The following KANK1 variants were observed in gnomAD, a reference collection of about 807,000 sequenced individuals.
The protein encoded by KANK1 is KN motif and ankyrin repeat domains 1, also known as KN motif and ankyrin repeat domain-containing protein 1.
In KANK1, 109 loss-of-function variants were observed where a neutral mutation model predicts 106.2. That is an observed-to-expected ratio of 1.03 (90% confidence interval 0.88 to 1.20). The LOEUF is 1.20. Ranked by LOEUF, KANK1 falls within the 50% of genes most tolerant of loss-of-function variation. The probability of loss-of-function intolerance (pLI) is 0.00; values close to 1 mark genes in which losing one functional copy is unlikely to be tolerated. For missense variants in KANK1, 2,399 were observed against 1,710.7 expected (o/e 1.40, Z -7.10); for synonymous variants, 873 against 652.2 (o/e 1.34, Z -5.16).
chr9:698,118 G>C (rs2129947366), intron 2 of KANK1, among the ~76,000 whole-genome samples: 1 of 152,276 alleles, frequency 6.6e-6, no homozygotes, highest in East Asian at 1.9e-4. Flanking sequence ...GGCCAATTCA[G>C]GCCCTGGTCA....
At position 676,622 on chromosome 9, in the gene KANK1, A is replaced by C. The variant is rs116567142; in HGVS notation, c.-83-268A>C. Among the ~76,000 whole-genome samples the C allele has an allele frequency of 2.1e-3, 319 of 152,306 alleles. 3 individuals carry two copies. The highest frequency in any genetic ancestry group is 7.3e-3 in the African/African-American group (302 of 41,558). ...TTGTATTTGGTGACCACTTTCCTAA[A>C]ATAGTCTCATTTCTAGAGAACCAAT... On this transcript the variant is annotated intron_variant, in intron 1 of 11. Transcript: ENST00000382297.
At chr9:674,368 G>T (rs1022070248) in intron 1 of KANK1, 4 of 141,272 alleles carry the variant, frequency 2.8e-5, no homozygotes, top group Non-Finnish European at 6.0e-5. Flanking sequence ...GGGCAGGCTT[G>T]TCAGAAGCAA....
intron 1 of KANK1, among the ~76,000 whole-genome samples, chr9:560,366 T>C (rs762155137): frequency 3.3e-5 from 5 of 152,220 alleles, no homozygotes; most frequent in Admixed American, 2.0e-4. Flanking sequence ...CTGTTGACTT[T>C]GTGCAATTCA....
chr9:609,360 GC>G (rs1158245486), intron 1 of KANK1, among the ~76,000 whole-genome samples: 1 of 152,150 alleles, frequency 6.6e-6, no homozygotes, highest in African/African-American at 2.4e-5. Context: ...GGGCATCGTG[GC>G]TCACGCCTGT....
intron 2 of KANK1, among the ~76,000 whole-genome samples, chr9:688,982 G>A (rs1262845518): frequency 6.6e-6 from 1 of 152,156 alleles, no homozygotes; most frequent in African/African-American, 2.4e-5. Flanking sequence ...TTTTAGGTGT[G>A]AGGAGATAAA....
intron 3 of KANK1, among the ~76,000 whole-genome samples, chr9:490,527 T>C (rs1236645488): frequency 1.3e-5 from 2 of 151,266 alleles, no homozygotes; most frequent in East Asian, 1.9e-4. Flanking sequence ...ATAATAATAA[T>C]AACAATAGGC....
At chr9:743,682 T>C (rs1836332392) in intron 10 of KANK1, among the ~76,000 whole-genome samples, 1 of 151,848 alleles carries the variant, frequency 6.6e-6, no homozygotes, top group South Asian at 2.1e-4. Context: ...CTGGGCAACA[T>C]AGTGAGACTC....
rs533958379 is a variant in KANK1, at chr9:527,157, C to A, written c.-84+22403C>A. 8.6e-5 allele frequency among the ~76,000 whole-genome samples: 13 copies of A among 151,778 alleles called. No homozygotes were observed. The East Asian group carries it at 2.3e-3, about 27-fold the overall frequency. On this transcript the variant is annotated intron_variant, in intron 1 of 11. Coordinates refer to ENST00000382297, the MANE Select transcript of KANK1 (RefSeq NM_015158.5). ...GTTTGCACACCTCAGGGTAGCTGTC[C>A]ATTCATCCTTTCTTCCTGAAGGCGT...
intron 1 of KANK1, among the ~76,000 whole-genome samples, chr9:517,026 CAT>C (rs35240270): frequency 6.6e-6 from 1 of 151,406 alleles, no homozygotes; most frequent in Non-Finnish European, 1.5e-5. Context: ...CACACACACA[CAT>C]CCGTCTTGTG....
chr9:656,707 C>T (rs1842219716), intron 1 of KANK1, among the ~76,000 whole-genome samples: 2 of 152,098 alleles, frequency 1.3e-5, no homozygotes, highest in African/African-American at 2.4e-5. Context: ...AAGGGATGTG[C>T]TTGTCCTAGC....
chr9:744,619 T>C, intron 11 of KANK1, 30 bp downstream of exon 11: 15 of 1,614,008 alleles, frequency 9.3e-6, no homozygotes, highest in Non-Finnish European at 1.2e-5. Flanking sequence ...CATTTGTAAA[T>C]AGGCTGAAAT....
At chr9:553,986 C>T (rs1390726160) in intron 1 of KANK1, among the ~76,000 whole-genome samples, 1 of 152,182 alleles carries the variant, frequency 6.6e-6, no homozygotes, top group Non-Finnish European at 1.5e-5. Context: ...CAACCCCAGA[C>T]CTTCTGATTC....
At chr9:536,682 A>C (rs2060318004) in intron 1 of KANK1, among the ~76,000 whole-genome samples, 1 of 152,232 alleles carries the variant, frequency 6.6e-6, no homozygotes, top group East Asian at 1.9e-4. Context: ...CCATCTAGAT[A>C]ATCCAGGAAA....
intron 1 of KANK1, among the ~76,000 whole-genome samples, chr9:541,718 C>T (rs1378630271): frequency 1.3e-5 from 2 of 152,124 alleles, no homozygotes; most frequent in African/African-American, 4.8e-5. Flanking sequence ...GCAGACCATA[C>T]ATCTGATAAG....
At chr9:633,899 C>T (rs758988891) in intron 1 of KANK1, among the ~76,000 whole-genome samples, 145 of 152,304 alleles carry the variant, frequency 9.5e-4, no homozygotes, top group Non-Finnish European at 1.8e-3. Context: ...GATCCTCTGG[C>T]CTCAGCCTCC....
chr9:550,550 C>T (rs2134071254), intron 1 of KANK1, among the ~76,000 whole-genome samples: 1 of 152,302 alleles, frequency 6.6e-6, no homozygotes. Flanking sequence ...TTTGAGGCCG[C>T]AATGAGTTAT....
At chr9:602,524 C>T (rs1828026737) in intron 1 of KANK1, among the ~76,000 whole-genome samples, 1 of 151,832 alleles carries the variant, frequency 6.6e-6, no homozygotes, top group Non-Finnish European at 1.5e-5. Flanking sequence ...TCCCAAAGTG[C>T]TGGGATTATA....
chr9:507,363 A>G (rs190050468), intron 1 of KANK1, among the ~76,000 whole-genome samples: 125 of 151,984 alleles, frequency 8.2e-4, no homozygotes, highest in Non-Finnish European at 1.5e-3. Context: ...TCAAAACAAG[A>G]TGAGCTGTAC....
intron 1 of KANK1, among the ~76,000 whole-genome samples, chr9:527,220 C>T (rs12682818): frequency 1.3e-5 from 2 of 151,820 alleles, no homozygotes; most frequent in Admixed American, 6.6e-5. Context: ...TACCTTCTCT[C>T]TGTTTCTCTT....
Sources: gnomAD v4.1 joint callset for allele counts (sites outside exome capture counted in the v4.1 genomes callset) on GRCh38, gnomAD v4.1.1 for gene constraint, MANE v1.5 for transcripts, NCBI Gene and HGNC (gene_info 2026-07-23, HGNC 2026-07-21) for gene names.